The following CACNB4 variants were observed in gnomAD, a reference collection of about 807,000 sequenced individuals.
CACNB4 encodes the protein voltage-dependent L-type calcium channel subunit beta-4.
A neutral mutation model predicts 71.2 loss-of-function variants in CACNB4; 32 were observed. The ratio of observed to expected loss-of-function variants is 0.45; its 90% confidence interval spans 0.34 to 0.60. The LOEUF is 0.60. CACNB4 is among the 20% of genes least tolerant of loss of function. The pLI, the probability that CACNB4 is intolerant of heterozygous loss-of-function variation, is 0.01. For missense variants in CACNB4, 464 were observed against 647.9 expected (o/e 0.72, Z 3.08); for synonymous variants, 231 against 236.9 (o/e 0.97, Z 0.23).
At chr2:151,887,661 G>A (rs1351702229) in intron 2 of CACNB4, among the ~76,000 whole-genome samples, 3 of 152,164 alleles carry the variant, frequency 2.0e-5, no homozygotes, top group Non-Finnish European at 2.9e-5. Context: ...GATCCAGACA[G>A]TATTAGGTTT....
intron 2 of CACNB4, chr2:151,973,585 G>A: frequency 8.1e-7 from 1 of 1,241,750 alleles, no homozygotes; most frequent in Non-Finnish European, 1.2e-6. Flanking sequence ...CGTTGCCTAA[G>A]AAATAAGAAG....
intron 2 of CACNB4, among the ~76,000 whole-genome samples, chr2:151,942,917 A>G (rs767133929): frequency 5.3e-5 from 8 of 152,118 alleles, no homozygotes; most frequent in Non-Finnish European, 1.2e-4. Flanking sequence ...CTGAACATAG[A>G]CCCTTATCAG....
chr2:152,030,241 T>A (rs1160483292), intron 2 of CACNB4, among the ~76,000 whole-genome samples: 1 of 152,222 alleles, frequency 6.6e-6, no homozygotes, highest in Admixed American at 6.5e-5. Flanking sequence ...CTGTAGGACA[T>A]GTTTGTTAAG....
chr2:152,067,051 G>A (rs1390528041), intron 2 of CACNB4, among the ~76,000 whole-genome samples: 4 of 148,972 alleles, frequency 2.7e-5, no homozygotes, highest in East Asian at 4.0e-4. Context: ...GCTAGATGAC[G>A]AGTTAGTGGG....
At chr2:152,054,981 A>G (rs1685649713) in intron 2 of CACNB4, among the ~76,000 whole-genome samples, 1 of 152,080 alleles carries the variant, frequency 6.6e-6, no homozygotes, top group Admixed American at 6.6e-5. Context: ...CAGATATAAG[A>G]TTTGCAAATA....
chr2:152,058,829 C>G (rs528421983), intron 2 of CACNB4, among the ~76,000 whole-genome samples: 1 of 152,346 alleles, frequency 6.6e-6, no homozygotes, highest in South Asian at 2.1e-4. Flanking sequence ...CCATCACAGG[C>G]CCAGAGGCCT....
At chr2:152,086,621 A>G (rs1224076101) in intron 2 of CACNB4, among the ~76,000 whole-genome samples, 1 of 152,268 alleles carries the variant, frequency 6.6e-6, no homozygotes, top group Non-Finnish European at 1.5e-5. Flanking sequence ...GAACATCTAG[A>G]CAAACTAAAG....
chr2:151,899,054 CAG>C (rs1559957936), intron 2 of CACNB4, among the ~76,000 whole-genome samples: 1 of 152,240 alleles, frequency 6.6e-6, no homozygotes, highest in Non-Finnish European at 1.5e-5. Flanking sequence ...CAGCAAAGAT[CAG>C]AGAGACCCAC....
intron 2 of CACNB4, among the ~76,000 whole-genome samples, chr2:152,066,687 A>T (rs546197664): frequency 6.6e-6 from 1 of 150,416 alleles, no homozygotes; most frequent in Non-Finnish European, 1.5e-5. Flanking sequence ...ATAAAGACAC[A>T]TGCACACGTA....
intron 2 of CACNB4, among the ~76,000 whole-genome samples, chr2:152,089,231 G>A (rs1687836966): frequency 6.6e-6 from 1 of 152,202 alleles, no homozygotes; most frequent in Admixed American, 6.5e-5. Flanking sequence ...TGCAAAAGCA[G>A]GACAATACTG....
At chr2:151,879,976 T>C (rs892162071) in intron 4 of CACNB4, 1 of 152,202 alleles carries the variant, frequency 6.6e-6, no homozygotes, top group Admixed American at 6.5e-5. Flanking sequence ...GGCTTGGGCA[T>C]TTTTGATGGA....
intron 2 of CACNB4, among the ~76,000 whole-genome samples, chr2:151,998,427 T>C (rs140945188): frequency 6.6e-6 from 1 of 152,300 alleles, no homozygotes; most frequent in East Asian, 1.9e-4. Flanking sequence ...AACCCAGTTT[T>C]GGTTCCTTAC....
At chr2:151,971,976 G>A (rs548653840) in intron 2 of CACNB4, 8 of 181,564 alleles carry the variant, frequency 4.4e-5, no homozygotes, top group African/African-American at 1.8e-4. Flanking sequence ...AGCACTACCC[G>A]CCATCAACTA....
intron 2 of CACNB4, among the ~76,000 whole-genome samples, chr2:151,955,917 G>A (rs1220905022): frequency 9.3e-5 from 13 of 139,350 alleles, no homozygotes; most frequent in South Asian, 2.3e-4. Context: ...ATAAAAAATA[G>A]AAAAAAAAAA....
chr2:152,027,132 G>A (rs1189694754), intron 2 of CACNB4, among the ~76,000 whole-genome samples: 1 of 152,018 alleles, frequency 6.6e-6, no homozygotes, highest in East Asian at 1.9e-4. Context: ...CAAACTCCTG[G>A]CCTCAGGTGG....
chr2:151,869,998 GT>G, intron 8 of CACNB4: 1 of 540,768 alleles, frequency 1.8e-6, no homozygotes, highest in Non-Finnish European at 3.2e-6. Context: ...TTGTCACATG[GT>G]TTTGTTTAAT....
chr2:152,059,410 T>C (rs1685891213), intron 2 of CACNB4, among the ~76,000 whole-genome samples: 3 of 152,240 alleles, frequency 2.0e-5, no homozygotes, highest in Non-Finnish European at 4.4e-5. Context: ...AGCCCACCTC[T>C]TGCAATAATA....
intron 2 of CACNB4, among the ~76,000 whole-genome samples, chr2:152,012,089 T>G (rs1406446055): frequency 1.1e-5 from 1 of 91,940 alleles, no homozygotes; most frequent in Non-Finnish European, 2.2e-5. Context: ...GTATACTCCT[T>G]CTATTTATTA....
At chr2:151,883,076 T>G in intron 3 of CACNB4, 175 bp downstream of exon 3, 1 of 617,384 alleles carries the variant, frequency 1.6e-6, no homozygotes, top group Non-Finnish European at 2.8e-6. Context: ...AAATGCCTCT[T>G]TGGAGATGTT....
Sources: allele counts gnomAD v4.1 joint callset (sites outside exome capture counted in the v4.1 genomes callset), GRCh38; gene constraint gnomAD v4.1.1; transcripts MANE v1.5; gene names NCBI Gene and HGNC (gene_info 2026-07-23, HGNC 2026-07-21).